LMO3: variants seen among roughly 807,000 people sequenced by gnomAD.
The protein encoded by LMO3 is LIM domain only protein 3.
LMO3 carries 2 observed loss-of-function variants against 15.8 expected under a neutral mutation model. The observed-to-expected ratio is 0.13, with a 90% CI of 0.05 to 0.40. The LOEUF is 0.40. LMO3 is among the 10% of genes least tolerant of loss of function. LMO3 has a pLI of 0.99. For missense variants in LMO3, 86 were observed against 182.2 expected, an observed-to-expected ratio of 0.47 and a Z score of 3.04; for synonymous variants, 62 against 63.8, an observed-to-expected ratio of 0.97 and a Z score of 0.13.
intron 3 of LMO3, among the ~76,000 whole-genome samples, chr12:16,552,105 G>GT (rs1035725773): frequency 6.6e-6 from 1 of 152,024 alleles, no homozygotes; most frequent in Non-Finnish European, 1.5e-5. Flanking sequence ...AGACTGCAAT[G>GT]TTTTTAATAA....
At chr12:16,590,937 G>A (rs1193308012) in intron 2 of LMO3, among the ~76,000 whole-genome samples, 2 of 151,806 alleles carry the variant, frequency 1.3e-5, no homozygotes, top group East Asian at 3.9e-4. Context: ...CAAATAAAAA[G>A]ACATCCAAAA....
Position 16,576,147 on chromosome 12 carries a change from C to T in LMO3, c.207-15609G>A, listed in dbSNP as rs1942989926. Among the ~76,000 whole-genome samples the T allele has an allele frequency of 6.6e-6, 1 of 152,160 alleles. No homozygotes were observed. The highest frequency in any genetic ancestry group is 1.5e-5 in the Non-Finnish European group (1 of 68,032). ...AACATCTTTCCACCAGCCTGCCCTG[C>T]CCTGCTGTCCGCCTTCCACTCTGCA... is the stretch of plus-strand genomic sequence containing the variant. On this transcript the variant is annotated intron_variant, in intron 2 of 3. Coordinates refer to ENST00000537304, the MANE Select transcript of LMO3 (RefSeq NM_018640.5). This position sits in a 1 kb window ranked among gnomAD's most constrained non-coding sequence, Gnocchi z 4.1.
intron 2 of LMO3, among the ~76,000 whole-genome samples, chr12:16,588,822 A>G (rs976205797): frequency 6.6e-6 from 1 of 151,962 alleles, no homozygotes; most frequent in African/African-American, 2.4e-5. Context: ...CCTCTTCTTC[A>G]ATCTTCTCCT....
At chr12:16,606,879 C>T (rs1378913377), upstream of LMO3, 1 of 152,140 alleles carries the variant, frequency 6.6e-6, no homozygotes, top group Non-Finnish European at 1.5e-5. Context: ...GGGTAGGGTT[C>T]CTAAAATAAC....
intron 3 of LMO3, among the ~76,000 whole-genome samples, chr12:16,553,839 A>G (rs1942081912): frequency 1.3e-5 from 2 of 152,048 alleles, no homozygotes; most frequent in African/African-American, 4.8e-5. Flanking sequence ...TGATTTAACC[A>G]ACTTCTTATG....
rs2160514 is a variant in LMO3, at chr12:16,603,574, A to C, written c.-9+2492T>G. The stretch of plus-strand genomic sequence containing the variant: ...TTCTTATTGCCTCTGAGACCCTGCC[A>C]TTCTGAGTTATTTGACAGTTTAAGG... On this transcript the variant is annotated intron_variant, in intron 1 of 3. Transcript: ENST00000537304. The surrounding 1 kb of genome is among the most constrained non-coding windows in gnomAD (Gnocchi z 4.9). 0.35 allele frequency among the ~76,000 whole-genome samples: 53,545 copies of C among 152,048 alleles called. 10,970 individuals are homozygous for C. Among genetic ancestry groups the C allele is most frequent in the Non-Finnish European group, 0.44 (29,955 of 67,968 alleles).
chr12:16,552,854 T>G (rs1942042289), intron 3 of LMO3, among the ~76,000 whole-genome samples: 1 of 152,090 alleles, frequency 6.6e-6, no homozygotes, highest in East Asian at 1.9e-4. Context: ...TCAATAATGG[T>G]GTTTGTGCAA....
In LMO3 at chr12:16,576,595, GTC is replaced by G. The variant is rs1291743239; in HGVS notation, c.207-16059_207-16058del. 2.6e-5 allele frequency among the ~76,000 whole-genome samples: 4 copies of G among 152,092 alleles called. No homozygotes were observed. Among genetic ancestry groups the G allele is most frequent in the Non-Finnish European group, 4.4e-5 (3 of 68,034 alleles). On this transcript the variant is annotated intron_variant, in intron 2 of 3. Transcript: ENST00000537304. The surrounding 1 kb of genome is among the most constrained non-coding windows in gnomAD (Gnocchi z 4.1). ...ATCTGTATCAGTTACGTACCTGTTT[GTC>G]TCTTTCTCACTACATAATAAGCTCC...
upstream of LMO3, chr12:16,607,143 G>A (rs1182615999): frequency 1.3e-5 from 2 of 149,396 alleles, no homozygotes; most frequent in Non-Finnish European, 3.0e-5. Flanking sequence ...CCTGGTTCAG[G>A]GGATCACACA....
At chr12:16,556,530 C>G (rs980460559) in intron 3 of LMO3, among the ~76,000 whole-genome samples, 1 of 152,184 alleles carries the variant, frequency 6.6e-6, no homozygotes, top group Non-Finnish European at 1.5e-5. Context: ...GATGAAATGA[C>G]TGCTGAATAC....
rs137905258 is a variant in LMO3, at chr12:16,551,697, C to A, written c.333-370G>T. Among the ~76,000 whole-genome samples the A allele has an allele frequency of 5.3e-5, 8 of 151,508 alleles. No individual in the cohort carries two copies. The East Asian group carries it at 9.7e-4, about 18-fold the overall frequency. ...AAAGAATGATAATAATGTTTCACTG[C>A]AGTAATTATGGATGATTTCATCTCT... is the stretch of plus-strand genomic sequence containing the variant. On this transcript the variant is annotated intron_variant, in intron 3 of 3. Coordinates refer to ENST00000537304, the MANE Select transcript of LMO3 (RefSeq NM_018640.5).
rs928138296 is a variant in LMO3 at position 16,550,319 on chromosome 12, C to T, written c.*903G>A. 6.6e-6 allele frequency: 1 copy of T among 152,366 alleles called. No individual in the cohort carries two copies. The highest frequency in any genetic ancestry group is 1.5e-5 in the Non-Finnish European group (1 of 67,898). The allele number at this position is 152,366 out of a possible 1,614,324, so 9.4% of individuals were successfully genotyped here. ...TTAATTTATCACTTAAAAATCATCT[C>T]ATAATTGTGGTAACAGATTTTTAAA... On this transcript the variant is annotated 3_prime_UTR_variant, in exon 4 of 4. Transcript: ENST00000537304.
chr12:16,603,114 C>T lies in LMO3; in HGVS notation c.-8-2246G>A, dbSNP rs1413657147. ...TTGCAACCAAGACAGGGGATACCAA[C>T]ATTTGGCACAAGTAACACTACCCTA... On this transcript the variant is annotated intron_variant, in intron 1 of 3. Coordinates refer to ENST00000537304, the MANE Select transcript of LMO3 (RefSeq NM_018640.5). This position sits in a 1 kb window ranked among gnomAD's most constrained non-coding sequence, Gnocchi z 4.9. Among the ~76,000 whole-genome samples the T allele has an allele frequency of 6.6e-6, 1 of 152,152 alleles. No homozygotes were observed.
At chr12:16,568,001 G>T (rs1942676125) in intron 2 of LMO3, among the ~76,000 whole-genome samples, 1 of 152,148 alleles carries the variant, frequency 6.6e-6, no homozygotes, top group East Asian at 1.9e-4. Flanking sequence ...GAACAGGAGG[G>T]AGAAAGAATA....
intron 2 of LMO3, among the ~76,000 whole-genome samples, chr12:16,563,140 A>G (rs1221496904): frequency 6.6e-6 from 1 of 152,150 alleles, no homozygotes; most frequent in Non-Finnish European, 1.5e-5. Context: ...CCTTTTCCTA[A>G]GAGGGCGAAT....
chr12:16,557,134 C>A (rs960420699), intron 3 of LMO3, among the ~76,000 whole-genome samples: 2 of 152,094 alleles, frequency 1.3e-5, no homozygotes, highest in Non-Finnish European at 2.9e-5. Context: ...TAACAACCTA[C>A]AATTACTTTG....
At chr12:16,568,951 T>TCTAA (rs1163322075) in intron 2 of LMO3, among the ~76,000 whole-genome samples, 2 of 152,222 alleles carry the variant, frequency 1.3e-5, no homozygotes, top group African/African-American at 4.8e-5. Context: ...GACATTTTTT[T>TCTAA]CTAACTTGAA....
chr12:16,561,658 T>A (rs1045872516), intron 2 of LMO3, among the ~76,000 whole-genome samples: 1 of 152,258 alleles, frequency 6.6e-6, no homozygotes, highest in African/African-American at 2.4e-5. Flanking sequence ...TTACTTTCTG[T>A]AGACTCCAAA....
chr12:16,587,676 C>T lies in LMO3; in HGVS notation c.206+12979G>A, dbSNP rs1943363015. ...CTGGTCTGTCAGGAGTGCATTTTAA[C>T]AGCACGACACAAGTATTTTTCACTA... is the stretch of plus-strand genomic sequence containing the variant. On this transcript the variant is annotated intron_variant, in intron 2 of 3. Coordinates refer to ENST00000537304, the MANE Select transcript of LMO3 (RefSeq NM_018640.5). This position sits in a 1 kb window ranked among gnomAD's most constrained non-coding sequence, Gnocchi z 4.3. 6.6e-6 allele frequency among the ~76,000 whole-genome samples: 1 copy of T among 152,056 alleles called. No homozygotes were observed. Among genetic ancestry groups the T allele is most frequent in the Non-Finnish European group, 1.5e-5 (1 of 67,992 alleles).
Sources: allele counts gnomAD v4.1 joint callset (sites outside exome capture counted in the v4.1 genomes callset), GRCh38; gene constraint gnomAD v4.1.1; non-coding constraint Gnocchi (gnomAD v3.1); transcripts MANE v1.5; gene names NCBI Gene and HGNC (gene_info 2026-07-23, HGNC 2026-07-21).